Variants in ARHGAP15 observed in about 807,000 individuals in gnomAD.
ARHGAP15 encodes rho GTPase-activating protein 15.
Under a neutral mutation model 63.7 loss-of-function variants are expected in ARHGAP15, and 51 were observed. The ratio of observed to expected loss-of-function variants is 0.80; its 90% confidence interval spans 0.64 to 1.01. The LOEUF (loss-of-function observed/expected upper bound fraction) is 1.01. Ranked by LOEUF, ARHGAP15 falls within the 50% of genes least tolerant of loss-of-function variation. The probability of loss-of-function intolerance (pLI) is 0.00; values close to 1 mark genes in which losing one functional copy is unlikely to be tolerated. For missense variants in ARHGAP15, 560 were observed against 564.6 expected (o/e 0.99, Z 0.08); for synonymous variants, 191 against 193.8 (o/e 0.99, Z 0.12).
chr2:143,652,841 T>A (rs1295712459), intron 12 of ARHGAP15, among the ~76,000 whole-genome samples: 1 of 152,120 alleles, frequency 6.6e-6, no homozygotes, highest in Admixed American at 6.6e-5. Flanking sequence ...ACATAGAAGA[T>A]TATGTGATCC....
At chr2:143,211,414 A>T (rs942204013) in intron 3 of ARHGAP15, among the ~76,000 whole-genome samples, 6 of 152,156 alleles carry the variant, frequency 3.9e-5, no homozygotes, top group African/African-American at 1.4e-4. Flanking sequence ...TAATGTAACC[A>T]AATGTGTCCT....
intron 6 of ARHGAP15, among the ~76,000 whole-genome samples, chr2:143,265,069 T>G (rs1034995288): frequency 6.6e-6 from 1 of 152,108 alleles, no homozygotes; most frequent in African/African-American, 2.4e-5. Flanking sequence ...CACCCAAAGT[T>G]TTTGCAACAT....
At chr2:143,285,462 A>T (rs542881602) in intron 6 of ARHGAP15, among the ~76,000 whole-genome samples, 1 of 152,188 alleles carries the variant, frequency 6.6e-6, no homozygotes, top group Non-Finnish European at 1.5e-5. Context: ...TTTATTTTCC[A>T]ATATCTTTAC....
At chr2:143,393,726 TAAAAAAAAAAAA>T (rs10593584) in intron 6 of ARHGAP15, among the ~76,000 whole-genome samples, 4 of 61,444 alleles carry the variant, frequency 6.5e-5, no homozygotes, top group African/African-American at 1.3e-4. Context: ...AGACTCTGTC[TAAAAAAAAAAAA>T]AAAAAAAAAA....
At chr2:143,133,493 T>C (rs1417744289) in intron 1 of ARHGAP15, among the ~76,000 whole-genome samples, 1 of 152,210 alleles carries the variant, frequency 6.6e-6, no homozygotes, top group Non-Finnish European at 1.5e-5. Context: ...TATCTCACTG[T>C]GAAGTGACAT....
At chr2:143,147,462 G>C (rs1051865609) in intron 1 of ARHGAP15, among the ~76,000 whole-genome samples, 18 of 151,978 alleles carry the variant, frequency 1.2e-4, no homozygotes, top group Admixed American at 1.2e-3. Flanking sequence ...GCTCTCATCT[G>C]TATCTAAGAA....
intron 10 of ARHGAP15, among the ~76,000 whole-genome samples, chr2:143,520,563 G>A (rs888270014): frequency 2.6e-5 from 4 of 152,172 alleles, no homozygotes; most frequent in African/African-American, 9.6e-5. Context: ...GGATGAACAT[G>A]AGGAGAGGTA....
intron 12 of ARHGAP15, among the ~76,000 whole-genome samples, chr2:143,659,006 A>C (rs1266344968): frequency 6.6e-6 from 1 of 152,184 alleles, no homozygotes; most frequent in Non-Finnish European, 1.5e-5. Flanking sequence ...AGTCAACAGT[A>C]TCTCCTGCCC....
chr2:143,520,862 A>G (rs1412352992), intron 10 of ARHGAP15, among the ~76,000 whole-genome samples: 1 of 152,180 alleles, frequency 6.6e-6, no homozygotes, highest in Non-Finnish European at 1.5e-5. Flanking sequence ...AGATGTGTGC[A>G]TGTGTAAAGA....
At chr2:143,171,851 C>T (rs1220596332) in intron 2 of ARHGAP15, 1 of 151,946 alleles carries the variant, frequency 6.6e-6, no homozygotes, top group Non-Finnish European at 1.5e-5. Context: ...GGGTTTTTTT[C>T]TCTTTTTCTT....
chr2:143,545,814 C>G (rs1273025073), intron 10 of ARHGAP15, among the ~76,000 whole-genome samples: 1 of 151,774 alleles, frequency 6.6e-6, no homozygotes, highest in Non-Finnish European at 1.5e-5. Context: ...TGGGTGGACA[C>G]CAAATGGATT....
intron 12 of ARHGAP15, among the ~76,000 whole-genome samples, chr2:143,699,847 T>G (rs1443179322): frequency 6.6e-6 from 1 of 152,202 alleles, no homozygotes; most frequent in East Asian, 1.9e-4. Context: ...TAATTGTGCT[T>G]GGTACATTAC....
chr2:143,332,550 C>CCCAAT (rs1335232440), intron 6 of ARHGAP15, among the ~76,000 whole-genome samples: 1 of 152,078 alleles, frequency 6.6e-6, no homozygotes, highest in Non-Finnish European at 1.5e-5. Flanking sequence ...ATGAAAGCTT[C>CCCAAT]CCAATGCATG....
chr2:143,586,773 G>A (rs1255459762), intron 11 of ARHGAP15, among the ~76,000 whole-genome samples: 3 of 151,472 alleles, frequency 2.0e-5, no homozygotes, highest in Admixed American at 1.3e-4. Flanking sequence ...CTTTTTACTT[G>A]GGTCTAATTG....
intron 6 of ARHGAP15, among the ~76,000 whole-genome samples, chr2:143,411,840 AT>A (rs779738582): frequency 2.0e-5 from 3 of 152,228 alleles, no homozygotes; most frequent in Non-Finnish European, 4.4e-5. Flanking sequence ...GAGAAAGTAT[AT>A]ACTCTCTTAC....
At chr2:143,476,643 G>A (rs966978658) in intron 8 of ARHGAP15, among the ~76,000 whole-genome samples, 7 of 152,162 alleles carry the variant, frequency 4.6e-5, no homozygotes, top group African/African-American at 1.7e-4. Context: ...AACCATGAGA[G>A]TCACAGGGTC....
At chr2:143,170,582 C>T (rs1291585672) in intron 2 of ARHGAP15, among the ~76,000 whole-genome samples, 1 of 152,068 alleles carries the variant, frequency 6.6e-6, no homozygotes, top group African/African-American at 2.4e-5. Flanking sequence ...TGGATACATT[C>T]TGCCATGTTC....
chr2:143,325,219 A>G (rs1684197589), intron 6 of ARHGAP15, among the ~76,000 whole-genome samples: 1 of 152,178 alleles, frequency 6.6e-6, no homozygotes, highest in African/African-American at 2.4e-5. Context: ...AATTTCTTGG[A>G]CCGTATGTTC....
intron 11 of ARHGAP15, among the ~76,000 whole-genome samples, chr2:143,585,793 T>C (rs1334691343): frequency 1.3e-5 from 2 of 152,206 alleles, no homozygotes; most frequent in Non-Finnish European, 2.9e-5. Flanking sequence ...AATGTTATAT[T>C]ATTTACATTT....
Sources: allele counts gnomAD v4.1 joint callset (sites outside exome capture counted in the v4.1 genomes callset), GRCh38; gene constraint gnomAD v4.1.1; transcripts MANE v1.5; gene names NCBI Gene and HGNC (gene_info 2026-07-23, HGNC 2026-07-21).